NFATC3: variants seen among roughly 807,000 people sequenced by gnomAD.
The protein encoded by NFATC3 is nuclear factor of activated T-cells, cytoplasmic 3.
Under a neutral mutation model 98.6 loss-of-function variants are expected in NFATC3, and 46 were observed. That is an observed-to-expected ratio of 0.47 (90% CI 0.37 to 0.60). The LOEUF is 0.60. Among genes scored for constraint, NFATC3 ranks in the 20% least tolerant of loss-of-function variants. The probability of loss-of-function intolerance (pLI) is 0.00; values close to 1 mark genes in which losing one functional copy is unlikely to be tolerated. For synonymous variants in NFATC3, 512 were observed against 472.2 expected (o/e 1.08, Z -1.09); for missense variants, 1,256 against 1,295.5 (o/e 0.97, Z 0.47).
chr16:68,205,723 T>G, intron 9 of NFATC3, among the ~76,000 whole-genome samples: 1 of 152,182 alleles, frequency 6.6e-6, no homozygotes, highest in East Asian at 1.9e-4. Flanking sequence ...CCCCTTATTT[T>G]TACTAGCATA....
intron 5 of NFATC3, among the ~76,000 whole-genome samples, chr16:68,173,868 G>C (rs141514524): frequency 1.8e-3 from 275 of 152,198 alleles, no homozygotes; most frequent in African/African-American, 6.0e-3. Context: ...AAAATAATTG[G>C]CTGGGTGTGG....
At chr16:68,148,102 G>A (rs1256572290) in intron 3 of NFATC3, among the ~76,000 whole-genome samples, 1 of 151,970 alleles carries the variant, frequency 6.6e-6, no homozygotes, top group Non-Finnish European at 1.5e-5. Context: ...TGCAACCTCC[G>A]CCTCCTGGGT....
intron 8 of NFATC3, among the ~76,000 whole-genome samples, chr16:68,188,452 C>A (rs2040307514): frequency 6.6e-6 from 1 of 152,222 alleles, no homozygotes; most frequent in Admixed American, 6.5e-5. Context: ...GGTGGCGGGG[C>A]TTCCACCTGT....
intron 3 of NFATC3, among the ~76,000 whole-genome samples, chr16:68,148,085 G>C (rs1268592798): frequency 6.6e-6 from 1 of 151,826 alleles, no homozygotes; most frequent in Non-Finnish European, 1.5e-5. Context: ...GCGCGATCTC[G>C]GCTCACTGCA....
intron 1 of NFATC3, among the ~76,000 whole-genome samples, chr16:68,120,852 A>G (rs570642111): frequency 6.6e-5 from 10 of 152,314 alleles, no homozygotes; most frequent in African/African-American, 2.2e-4. Context: ...TGGATAATAT[A>G]TACAGGTCAT....
At chr16:68,183,165 T>C in intron 7 of NFATC3, 75 bp from the exon 8 acceptor site, 1 of 1,452,576 alleles carries the variant, frequency 6.9e-7, no homozygotes, top group Non-Finnish European at 9.2e-7. Flanking sequence ...TTAAGACTCA[T>C]GAGTTGTGAT....
At chr16:68,186,087 G>C (rs904381576) in intron 8 of NFATC3, among the ~76,000 whole-genome samples, 1 of 152,048 alleles carries the variant, frequency 6.6e-6, no homozygotes, top group African/African-American at 2.4e-5. Context: ...CAGAAGAATA[G>C]ACACACAGGA....
At chr16:68,204,353 C>T (rs1031846794) in intron 9 of NFATC3, among the ~76,000 whole-genome samples, 1 of 152,188 alleles carries the variant, frequency 6.6e-6, no homozygotes, top group Non-Finnish European at 1.5e-5. Flanking sequence ...CAGAGTGATA[C>T]TCTGTCTCAA....
intron 1 of NFATC3, among the ~76,000 whole-genome samples, chr16:68,092,103 A>G (rs1008618401): frequency 6.6e-6 from 1 of 152,194 alleles, no homozygotes; most frequent in South Asian, 2.1e-4. Context: ...ATGAATTGCT[A>G]GTTTACCAAC....
intron 3 of NFATC3, among the ~76,000 whole-genome samples, chr16:68,156,881 C>G (rs2038646946): frequency 6.6e-6 from 1 of 151,924 alleles, no homozygotes; most frequent in Admixed American, 6.6e-5. Context: ...AGAGGTTGCA[C>G]TGAGCAGAGA....
intron 1 of NFATC3, among the ~76,000 whole-genome samples, chr16:68,110,612 C>T (rs563190546): frequency 2.7e-5 from 4 of 147,718 alleles, no homozygotes; most frequent in East Asian, 2.0e-4. Context: ...CCGCGCCCAG[C>T]CTGATTTTTT....
At chr16:68,096,442 T>G (rs2035023531) in intron 1 of NFATC3, among the ~76,000 whole-genome samples, 1 of 152,246 alleles carries the variant, frequency 6.6e-6, no homozygotes, top group Non-Finnish European at 1.5e-5. Context: ...AAGAAAGTCC[T>G]CTTCCATTAA....
At chr16:68,194,715 T>A (rs1598562409) in intron 9 of NFATC3, among the ~76,000 whole-genome samples, 1 of 152,150 alleles carries the variant, frequency 6.6e-6, no homozygotes, top group African/African-American at 2.4e-5. Flanking sequence ...AGATATTTTT[T>A]CCTTCTAAAA....
chr16:68,194,603 A>T (rs1439459416), intron 9 of NFATC3, among the ~76,000 whole-genome samples: 3 of 152,202 alleles, frequency 2.0e-5, no homozygotes, highest in Non-Finnish European at 4.4e-5. Flanking sequence ...TTTACCCTGA[A>T]ACAAGGACTG....
intron 1 of NFATC3, among the ~76,000 whole-genome samples, chr16:68,113,164 ACT>A (rs2036074558): frequency 6.6e-6 from 1 of 152,008 alleles, no homozygotes; most frequent in South Asian, 2.1e-4. Flanking sequence ...GAGAAGAGAC[ACT>A]CTGGCTCTTT....
intron 3 of NFATC3, among the ~76,000 whole-genome samples, chr16:68,135,141 A>G (rs945354936): frequency 5.3e-5 from 8 of 152,052 alleles, no homozygotes; most frequent in Non-Finnish European, 1.2e-4. Flanking sequence ...CAAGTGAGAA[A>G]TAGATGCAAT....
At chr16:68,118,254 A>G (rs7205935) in intron 1 of NFATC3, among the ~76,000 whole-genome samples, 34,811 of 152,072 alleles carry the variant, frequency 0.23, 4,489 homozygotes, top group African/African-American at 0.34. Flanking sequence ...TCTGTAAAAC[A>G]AGTTCCTTGT....
intron 3 of NFATC3, among the ~76,000 whole-genome samples, chr16:68,132,986 C>T (rs1464708435): frequency 2.6e-5 from 4 of 152,202 alleles, no homozygotes; most frequent in East Asian, 1.9e-4. Context: ...TTTATTGTGG[C>T]GGGGCGCAGT....
chr16:68,182,210 A>G (rs1292226829), intron 7 of NFATC3, among the ~76,000 whole-genome samples: 2 of 152,236 alleles, frequency 1.3e-5, no homozygotes, highest in African/African-American at 4.8e-5. Flanking sequence ...AGTTAGGAGC[A>G]AGACAAGTCC....
Sources: gnomAD v4.1 joint callset for allele counts (sites outside exome capture counted in the v4.1 genomes callset) on GRCh38, gnomAD v4.1.1 for gene constraint, MANE v1.5 for transcripts, NCBI Gene and HGNC (gene_info 2026-07-23, HGNC 2026-07-21) for gene names.